Variants in GPA33 observed in about 807,000 individuals in gnomAD.
GPA33 encodes cell surface A33 antigen.
In GPA33, 27 loss-of-function variants were observed where a neutral mutation model predicts 35.6. The ratio of observed to expected loss-of-function variants is 0.76; its 90% CI spans 0.56 to 1.04. GPA33 has a LOEUF of 1.04. Among genes scored for constraint, GPA33 ranks in the 50% least tolerant of loss-of-function variants. The pLI, the probability that GPA33 is intolerant of heterozygous loss-of-function variation, is 0.00. For missense variants in GPA33, 428 were observed against 411.9 expected, an observed-to-expected ratio of 1.04 and a Z score of -0.34; for synonymous variants, 176 against 164.0, an observed-to-expected ratio of 1.07 and a Z score of -0.56.
At chr1:167,063,153 C>A (rs1225802127) in intron 4 of GPA33, among the ~76,000 whole-genome samples, 1 of 152,214 alleles carries the variant, frequency 6.6e-6, no homozygotes, top group Non-Finnish European at 1.5e-5. Context: ...GCTGGCCGGG[C>A]GCGATGGCTC....
intron 2 of GPA33, among the ~76,000 whole-genome samples, chr1:167,071,622 A>T (rs1666723148): frequency 6.6e-6 from 1 of 152,204 alleles, no homozygotes; most frequent in Admixed American, 6.5e-5. Flanking sequence ...GGAGATGCAA[A>T]GGTGTCTCGG....
chr1:167,088,593 T>C (rs1667099558), intron 1 of GPA33, among the ~76,000 whole-genome samples: 1 of 152,082 alleles, frequency 6.6e-6, no homozygotes, highest in Non-Finnish European at 1.5e-5. Flanking sequence ...GCTGGGTGAG[T>C]TCCCCAGGGG....
chr1:167,078,039 A>G (rs1201766509), intron 1 of GPA33, among the ~76,000 whole-genome samples: 1 of 152,222 alleles, frequency 6.6e-6, no homozygotes, highest in Non-Finnish European at 1.5e-5. Flanking sequence ...GCTGCTGCCC[A>G]ACAGTCAGGG....
chr1:167,073,514 A>C lies in GPA33; in HGVS notation c.69T>G (p.Ser23=). ...CAVRVTVDAI[S]VETPQDVLRA... ...GAAGAACGTCCTGCGGAGTTTCCAC[A>C]GAGATGGCATCGACGGTCACCCTGA... Residue 23 remains serine, a synonymous_variant, in exon 2 of 7, where the codon TCT becomes TCG. Coordinates refer to ENST00000367868, the MANE Select transcript of GPA33 (RefSeq NM_005814.3). 1.2e-6 allele frequency: 2 copies of C among 1,613,916 alleles called. No homozygotes were observed. The highest frequency in any genetic ancestry group is 1.7e-6 in the Non-Finnish European group (2 of 1,179,810).
intron 1 of GPA33, among the ~76,000 whole-genome samples, chr1:167,084,641 A>G (rs1200180815): frequency 1.3e-5 from 2 of 152,184 alleles, no homozygotes; most frequent in Non-Finnish European, 2.9e-5. Context: ...AGGAGGCACA[A>G]GCTTGTCTGT....
In GPA33 at chr1:167,054,460, C is replaced by A; in HGVS notation, c.834G>T (p.Arg278=). 6.2e-7 allele frequency: 1 copy of A among 1,614,050 alleles called. No homozygotes were observed. Residue 278 remains arginine, a synonymous_variant, in exon 7 of 7, where the codon CGG becomes CGT. Coordinates refer to ENST00000367868, the MANE Select transcript of GPA33 (RefSeq NM_005814.3). ...GCTCTGGTGGCTCCTCATAGGCTTC[C>A]CGGTTCCTGCAGGGCAGCAGGGGAC... ...TEDKEDARPN[R]EAYEEPPEQL...
At chr1:167,056,597 A>AAAG (rs1666265840) in intron 4 of GPA33, among the ~76,000 whole-genome samples, 2 of 1,444 alleles carry the variant, frequency 1.4e-3, no homozygotes, top group African/African-American at 2.0e-3. Context: ...GTATGTGTGT[A>AAAG]TGTGGTGTGT....
chr1:167,074,201 G>A (rs538420186), intron 1 of GPA33, among the ~76,000 whole-genome samples: 1 of 151,848 alleles, frequency 6.6e-6, no homozygotes, highest in African/African-American at 2.4e-5. Flanking sequence ...CCTCCCTCAG[G>A]AGGTGGGGTC....
At chr1:167,071,491 T>G (rs1460212248) in intron 2 of GPA33, among the ~76,000 whole-genome samples, 1 of 152,220 alleles carries the variant, frequency 6.6e-6, no homozygotes, top group Non-Finnish European at 1.5e-5. Context: ...ATACATGGCT[T>G]GGCTAATGAA....
chr1:167,061,507 G>A (rs1352226645), intron 4 of GPA33, among the ~76,000 whole-genome samples: 1 of 149,904 alleles, frequency 6.7e-6, no homozygotes, highest in Admixed American at 6.6e-5. Context: ...CCAGAAATAC[G>A]TAAACACAAC....
chr1:167,070,266 G>A (rs1263121876), intron 2 of GPA33, among the ~76,000 whole-genome samples: 1 of 152,184 alleles, frequency 6.6e-6, no homozygotes, highest in African/African-American at 2.4e-5. Context: ...GTGTGAGTGA[G>A]GGACTGGTGA....
intron 3 of GPA33, among the ~76,000 whole-genome samples, chr1:167,067,421 G>C (rs911802917): frequency 6.6e-6 from 1 of 152,098 alleles, no homozygotes; most frequent in African/African-American, 2.4e-5. Context: ...TTTTAAAAAA[G>C]TAAAACATTG....
At chr1:167,084,011 C>G (rs1290222548) in intron 1 of GPA33, among the ~76,000 whole-genome samples, 1 of 152,174 alleles carries the variant, frequency 6.6e-6, no homozygotes, top group African/African-American at 2.4e-5. Context: ...CTGCCCCCAC[C>G]AAGATCCTCT....
In GPA33 at chr1:167,073,426, C is replaced by A; in HGVS notation, c.157G>T (p.Glu53Ter). The stretch of plus-strand genomic sequence containing the variant: ...AGCTTATCCCATTGAATAAGTCCCT[C>A]TCGACTGGAGGTGGAAGTGTGGTAG... ...CTYHTSTSSR[E>*]GLIQWDKLLL... Residue 53 changes from glutamate (E) to a stop codon, truncating the protein, a stop_gained, in exon 2 of 7, where the codon GAG becomes TAG. Transcript: ENST00000367868. LOFTEE classifies it high-confidence loss of function. 3 of 1,613,774 alleles carry A rather than the reference C, an allele frequency of 1.9e-6. No homozygotes were observed. The highest frequency in any genetic ancestry group is 1.7e-6 in the Non-Finnish European group (2 of 1,179,848).
Position 167,090,260 on chromosome 1 carries a change from A to C in GPA33, c.28T>G (p.Trp10Gly). Residue 10 changes from tryptophan to glycine, a missense_variant, in exon 1 of 7, where the codon TGG becomes GGG. Coordinates refer to ENST00000367868, the MANE Select transcript of GPA33 (RefSeq NM_005814.3). MVGKMWPVL[W>G]TLCAVRVTVD... is the part of the protein sequence containing the mutation. ...GCCTACTCACCTGCACAGAGTGTCC[A>C]CAACACAGGCCACATCTTCCCCACC... is the stretch of plus-strand genomic sequence containing the variant. 6.2e-7 allele frequency: 1 copy of C among 1,613,624 alleles called. No homozygotes were observed. The highest frequency in any genetic ancestry group is 8.5e-7 in the Non-Finnish European group (1 of 1,179,530).
At chr1:167,083,932 A>G (rs1667003516) in intron 1 of GPA33, among the ~76,000 whole-genome samples, 2 of 151,196 alleles carry the variant, frequency 1.3e-5, no homozygotes, top group African/African-American at 4.8e-5. Flanking sequence ...GGACAAGTAA[A>G]AACAGCATCC....
rs1289335506 is a variant in GPA33 at position 167,054,978 on chromosome 1, C to A, written c.825G>T (p.Arg275Ser). The change falls in exon 6 of 7, where the codon AGG becomes AGT. Residue 275 changes from arginine to serine, a missense_variant and splice_region_variant. Transcript: ENST00000367868. ...AGGCTACCAGCCCAGACACTCACGG[C>A]CTTGCATCCTCCTTGTCTTCAGTGT... ...DDNTEDKEDA[R>S]PNREAYEEPP... 1 of 1,613,968 alleles carries A rather than the reference C, an allele frequency of 6.2e-7. No individual in the cohort carries two copies. Among genetic ancestry groups the A allele is most frequent in the Admixed American group, 1.7e-5 (1 of 60,010 alleles).
chr1:167,065,135 G>C (rs1232216922), intron 3 of GPA33, among the ~76,000 whole-genome samples: 1 of 152,184 alleles, frequency 6.6e-6, no homozygotes, highest in Non-Finnish European at 1.5e-5. Flanking sequence ...GGCACTTGGA[G>C]GACACAGTGG....
At chr1:167,067,046 T>C (rs1571310482) in intron 3 of GPA33, among the ~76,000 whole-genome samples, 1 of 152,346 alleles carries the variant, frequency 6.6e-6, no homozygotes, top group South Asian at 2.1e-4. Flanking sequence ...ATATATGTTT[T>C]TATTTATGTT....
Sources: gnomAD v4.1 joint callset for allele counts (sites outside exome capture counted in the v4.1 genomes callset) on GRCh38, gnomAD v4.1.1 for gene constraint, MANE v1.5 for transcripts, NCBI Gene and HGNC (gene_info 2026-07-23, HGNC 2026-07-21) for gene names.